The following PTPRU variants were observed in gnomAD, a reference collection of about 807,000 sequenced individuals.
PTPRU encodes the protein receptor-type tyrosine-protein phosphatase U.
In PTPRU, 69 loss-of-function variants were observed where a neutral mutation model predicts 166.3. The observed-to-expected ratio is 0.41, with a 90% CI of 0.34 to 0.51. The LOEUF is 0.51. PTPRU is among the 20% of genes least tolerant of loss of function. The probability of loss-of-function intolerance (pLI) is 0.09; values close to 1 mark genes in which losing one functional copy is unlikely to be tolerated. For missense variants in PTPRU, 1,657 were observed against 2,013.7 expected, an observed-to-expected ratio of 0.82 and a Z score of 3.39; for synonymous variants, 793 against 814.0, an observed-to-expected ratio of 0.97 and a Z score of 0.44.
Position 29,260,472 on chromosome 1 carries a change from G to A in PTPRU, c.851-138G>A. 1.5e-6 allele frequency: 1 copy of A among 660,532 alleles called. No individual in the cohort carries two copies. Among genetic ancestry groups the A allele is most frequent in the South Asian group, 2.7e-5 (1 of 36,762 alleles). The allele number at this position is 660,532 out of a possible 1,614,324, so 40.9% of individuals were successfully genotyped here. ...GGATTTAGTGGGGGTAGGAGAGCGG[G>A]TCTGGTTGAGGGCTTGGTAGCAGCG... On this transcript the variant is annotated intron_variant, in intron 6 of 29. Coordinates refer to ENST00000373779, the MANE Select transcript of PTPRU (RefSeq NM_133178.4). This position sits in a 1 kb window ranked among gnomAD's most constrained non-coding sequence, Gnocchi z 8.3.
Position 29,310,765 on chromosome 1 carries a change from T to C in PTPRU, c.2842T>C (p.Phe948Leu). 2 of 1,613,974 alleles carry C rather than the reference T, an allele frequency of 1.2e-6. No individual in the cohort carries two copies. The highest frequency in any genetic ancestry group is 1.7e-6 in the Non-Finnish European group (2 of 1,179,876). The part of the protein sequence containing the change: ...YIDGYHRSNH[F>L]IATQGPKPEM... ...CCAGGGTTACCACAGGTCAAACCACTTCATAGCCACTCAAGGTACCTGGCA... is the reference window on the plus strand; with the variant it reads ...CCAGGGTTACCACAGGTCAAACCACCTCATAGCCACTCAAGGTACCTGGCA... Residue 948 changes from phenylalanine to leucine, a missense_variant, in exon 19 of 30, where the codon TTC becomes CTC. Physicochemically the swap from Phe to Leu is conservative, Grantham distance 22 (BLOSUM62 0). Transcript: ENST00000373779.
At chr1:29,252,269 T>TTA (rs1196388294) in intron 1 of PTPRU, among the ~76,000 whole-genome samples, 5 of 26,330 alleles carry the variant, frequency 1.9e-4, no homozygotes, top group African/African-American at 5.9e-4. Context: ...TCTTTTTTCT[T>TTA]TCTTTTTTTT....
At chr1:29,300,679 A>G (rs369513333) in intron 15 of PTPRU, among the ~76,000 whole-genome samples, 2 of 152,356 alleles carry the variant, frequency 1.3e-5, no homozygotes, top group African/African-American at 4.8e-5. Flanking sequence ...CAGCTAAAAT[A>G]TAGGAATCAA....
rs968659805 is a variant in PTPRU at position 29,271,603 on chromosome 1, GAGATT to G, written c.1145-3844_1145-3840del. ...TAGGTTGCCAGTATTTAAAAATCTG[GAGATT>G]TCACATAAAAATTGGAATTTCTGGC... On this transcript the variant is annotated intron_variant, in intron 7 of 29. Transcript: ENST00000373779. This position sits in a 1 kb window ranked among gnomAD's most constrained non-coding sequence, Gnocchi z 4.4. 6.6e-6 allele frequency among the ~76,000 whole-genome samples: 1 copy of G among 152,076 alleles called. No homozygotes were observed. Among genetic ancestry groups the G allele is most frequent in the African/African-American group, 2.4e-5 (1 of 41,414 alleles).
Position 29,260,474 on chromosome 1 carries a change from C to A in PTPRU, c.851-136C>A. 1 of 668,478 alleles carries A rather than the reference C, an allele frequency of 1.5e-6. No homozygotes were observed. Among genetic ancestry groups the A allele is most frequent in the Non-Finnish European group, 2.3e-6 (1 of 436,162 alleles). 41.4% of individuals were successfully genotyped at this position (668,478 alleles called of 1,614,324 possible). ...ATTTAGTGGGGGTAGGAGAGCGGGT[C>A]TGGTTGAGGGCTTGGTAGCAGCGTG... On this transcript the variant is annotated intron_variant, in intron 6 of 29. Coordinates refer to ENST00000373779, the MANE Select transcript of PTPRU (RefSeq NM_133178.4). The surrounding 1 kb of genome is among the most constrained non-coding windows in gnomAD (Gnocchi z 8.3).
In PTPRU at chr1:29,315,710, C is replaced by T. The variant is rs1363389371; in HGVS notation, c.3363+203C>T. ...GTTCTGTTGGGTGGGGTCAGACAACCGGTCCTGTAGCTGACATACCTGGGA... is the reference window on the plus strand; with the variant it reads ...GTTCTGTTGGGTGGGGTCAGACAACTGGTCCTGTAGCTGACATACCTGGGA... On this transcript the variant is annotated intron_variant, in intron 23 of 29. Transcript: ENST00000373779. The surrounding 1 kb of genome is among the most constrained non-coding windows in gnomAD (Gnocchi z 4.5). 2.6e-5 allele frequency among the ~76,000 whole-genome samples: 4 copies of T among 152,164 alleles called. No individual in the cohort carries two copies. Among genetic ancestry groups the T allele is most frequent in the Non-Finnish European group, 5.9e-5 (4 of 68,032 alleles).
chr1:29,308,283 C>T (rs1404258877), intron 18 of PTPRU, among the ~76,000 whole-genome samples: 24 of 140,288 alleles, frequency 1.7e-4, no homozygotes, highest in Admixed American at 3.5e-4. Context: ...CTAATTTTTT[C>T]CTTTTTTTTT....
Position 29,312,711 on chromosome 1 carries a change from G to A in PTPRU, c.3227+5G>A, listed in dbSNP as rs1167786073. ...GCCCATTGTCATCCACTGCAGGTGGGGGCACCGGGAATCCCAAGGAGAAAA... is the reference window on the plus strand; with the variant it reads ...GCCCATTGTCATCCACTGCAGGTGGAGGCACCGGGAATCCCAAGGAGAAAA... On this transcript the variant is annotated splice_donor_5th_base_variant and intron_variant, in intron 22 of 29. Transcript: ENST00000373779. 3 of 1,597,014 alleles carry A rather than the reference G, an allele frequency of 1.9e-6. No individual in the cohort carries two copies. The highest frequency in any genetic ancestry group is 1.7e-6 in the Non-Finnish European group (2 of 1,167,206).
chr1:29,279,591 G>T lies in PTPRU; in HGVS notation c.1699G>T (p.Val567Leu). Reference sequence around the variant, plus strand: ...CCCAGGCACCACCTACCTGTTCTCCGTGCGGGCCCGCACAGGCAAAGGCTT... The same window carrying T: ...CCCAGGCACCACCTACCTGTTCTCCTTGCGGGCCCGCACAGGCAAAGGCTT... ...LHPGTTYLFS[V>L]RARTGKGFGQ... The change falls in exon 10 of 30, where the codon GTG becomes TTG. Residue 567 changes from valine (V) to leucine (L), a missense_variant. Physicochemically the swap from Val to Leu is conservative, Grantham distance 32. Around this residue, in one of 3 missense-constraint regions of PTPRU, gnomAD observed 1,190 missense variants for 1,477.4 expected, o/e 0.81. Coordinates refer to ENST00000373779, the MANE Select transcript of PTPRU (RefSeq NM_133178.4). The surrounding 1 kb of genome is among the most constrained non-coding windows in gnomAD (Gnocchi z 5.2). 4 of 1,614,016 alleles carry T rather than the reference G, an allele frequency of 2.5e-6. No individual in the cohort carries two copies. Among genetic ancestry groups the T allele is most frequent in the Non-Finnish European group, 3.4e-6 (4 of 1,180,040 alleles).
intron 29 of PTPRU, 106 bp from the exon 30 acceptor site, chr1:29,325,493 C>G: frequency 6.6e-7 from 1 of 1,510,382 alleles, no homozygotes; most frequent in Non-Finnish European, 9.2e-7. Flanking sequence ...CGAGGGCGGG[C>G]CTGGGCTCGG....
chr1:29,320,463 G>A lies in PTPRU; in HGVS notation c.3688-222G>A. 1 of 420,504 alleles carries A rather than the reference G, an allele frequency of 2.4e-6. No individual in the cohort carries two copies. The allele number at this position is 420,504 out of a possible 1,614,324, so 26.0% of individuals were successfully genotyped here. On this transcript the variant is annotated intron_variant, in intron 25 of 29. Coordinates refer to ENST00000373779, the MANE Select transcript of PTPRU (RefSeq NM_133178.4). This position sits in a 1 kb window ranked among gnomAD's most constrained non-coding sequence, Gnocchi z 5.2. ...TTGGAAACTTTTGCTGTTTAGTTCT[G>A]GGGGGTCATGGGCTTGGTCCCCAGA...
rs1685991776 is a variant in PTPRU at position 29,280,076 on chromosome 1, G to A, written c.1803G>A (p.Leu601=). The stretch of plus-strand genomic sequence containing the variant: ...ATTATGCCGACATGCCGTCACCCCT[G>A]GGCGAGTCTGAGAACACCATCACCG... ...SFDYADMPSP[L]GESENTITVL... is the part of the protein sequence containing the mutation. Residue 601 remains leucine (L), a synonymous_variant, in exon 11 of 30, where the codon CTG becomes CTA. Transcript: ENST00000373779. This position sits in a 1 kb window ranked among gnomAD's most constrained non-coding sequence, Gnocchi z 4.2. The A allele has an allele frequency of 3.7e-6, 6 of 1,613,768 alleles. No homozygotes were observed. The highest frequency in any genetic ancestry group is 3.3e-5 in the Admixed American group (2 of 60,022).
chr1:29,308,566 CAAAA>C (rs754278193), intron 18 of PTPRU, among the ~76,000 whole-genome samples: 5 of 79,630 alleles, frequency 6.3e-5, no homozygotes, highest in Admixed American at 1.6e-4. Flanking sequence ...GTCCCTGTCT[CAAAA>C]AAAAAAAAAA....
intron 1 of PTPRU, among the ~76,000 whole-genome samples, chr1:29,246,544 G>A (rs948387467): frequency 1.3e-5 from 2 of 152,196 alleles, no homozygotes; most frequent in Non-Finnish European, 2.9e-5. Context: ...CCTGTTCACT[G>A]TTGGGTTGTG....
intron 12 of PTPRU, chr1:29,283,700 A>T: frequency 1.9e-6 from 1 of 527,644 alleles, no homozygotes; most frequent in South Asian, 2.7e-5. Flanking sequence ...TTTCCCCAAG[A>T]CGTTTGTTTC....
At chr1:29,306,193 G>C (rs1371088525) in intron 18 of PTPRU, among the ~76,000 whole-genome samples, 1 of 152,256 alleles carries the variant, frequency 6.6e-6, no homozygotes, top group Admixed American at 6.5e-5. Context: ...GGAGGGGCCA[G>C]AGACAGAGCA....
intron 7 of PTPRU, among the ~76,000 whole-genome samples, chr1:29,270,390 T>G (rs1238864599): frequency 6.6e-6 from 1 of 152,152 alleles, no homozygotes; most frequent in Non-Finnish European, 1.5e-5. Flanking sequence ...CACCGCTTCC[T>G]CTACCTCCCG....
At chr1:29,285,789 G>C (rs1031694302) in intron 14 of PTPRU, among the ~76,000 whole-genome samples, 1 of 152,258 alleles carries the variant, frequency 6.6e-6, no homozygotes, top group Middle Eastern at 3.2e-3. Flanking sequence ...CGGAAGCTGA[G>C]TGGGGGCTTC....
chr1:29,316,598 C>T (rs1451127084), intron 24 of PTPRU, among the ~76,000 whole-genome samples: 1 of 152,174 alleles, frequency 6.6e-6, no homozygotes, highest in Non-Finnish European at 1.5e-5. Flanking sequence ...GATCCAGGGG[C>T]TCAGATGATG....
Sources: allele counts gnomAD v4.1 joint callset (sites outside exome capture counted in the v4.1 genomes callset), GRCh38; gene constraint gnomAD v4.1.1; regional missense constraint gnomAD v4.1.1; non-coding constraint Gnocchi (gnomAD v3.1); transcripts MANE v1.5; gene names NCBI Gene and HGNC (gene_info 2026-07-23, HGNC 2026-07-21).